MEGF11: variants seen among roughly 807,000 people sequenced by gnomAD.
MEGF11 encodes the protein multiple EGF like domains 11.
MEGF11 carries 126 observed loss-of-function variants against 146.6 expected under a neutral mutation model. The observed-to-expected ratio is 0.86, with a 90% CI of 0.74 to 1.00. The LOEUF (loss-of-function observed/expected upper bound fraction) is 1.00. MEGF11 is among the 50% of genes least tolerant of loss of function. The probability of loss-of-function intolerance (pLI) is 0.00; values close to 1 mark genes in which losing one functional copy is unlikely to be tolerated. For missense variants in MEGF11, 1,509 were observed against 1,521.2 expected (o/e 0.99, Z 0.13); for synonymous variants, 532 against 583.4 (o/e 0.91, Z 1.27).
At chr15:66,075,107 G>A (rs1199463960) in intron 5 of MEGF11, among the ~76,000 whole-genome samples, 2 of 152,204 alleles carry the variant, frequency 1.3e-5, no homozygotes, top group East Asian at 3.9e-4. Flanking sequence ...ACTTTGTTTA[G>A]GGTGTCAAAA....
At chr15:66,066,156 G>A (rs758113696) in intron 5 of MEGF11, among the ~76,000 whole-genome samples, 28 of 152,164 alleles carry the variant, frequency 1.8e-4, no homozygotes, top group Admixed American at 5.9e-4. Context: ...AGCCTGACAC[G>A]TGAAGCTTCT....
At chr15:66,218,978 G>GAAAAAAA (rs1288273977) in intron 1 of MEGF11, among the ~76,000 whole-genome samples, 2 of 22,596 alleles carry the variant, frequency 8.9e-5, no homozygotes, top group Non-Finnish European at 1.8e-4. Context: ...ATATCCACAG[G>GAAAAAAA]CAAAAAAAAA....
In MEGF11 at chr15:66,137,315, A is replaced by T. The variant is rs79349418; in HGVS notation, c.-8-8904T>A. ...CATCACTATAGTCAGAAAAGCAAAG[A>T]TATTTTAAGATTATTATGTGTAAAT... On this transcript the variant is annotated intron_variant, in intron 1 of 25. Coordinates refer to ENST00000395614, the MANE Select transcript of MEGF11 (RefSeq NM_001385028.1). 4.6e-3 allele frequency among the ~76,000 whole-genome samples: 696 copies of T among 152,330 alleles called. 1 individual carries two copies. Among genetic ancestry groups the T allele is most frequent in the Non-Finnish European group, 6.8e-3 (463 of 68,024 alleles).
At chr15:66,144,108 C>T (rs2089275091) in intron 1 of MEGF11, among the ~76,000 whole-genome samples, 1 of 152,220 alleles carries the variant, frequency 6.6e-6, no homozygotes, top group Non-Finnish European at 1.5e-5. Context: ...CTGCTCCCAG[C>T]ACACACGGAC....
At chr15:66,045,905 C>T (rs1426745093) in intron 5 of MEGF11, among the ~76,000 whole-genome samples, 1 of 152,060 alleles carries the variant, frequency 6.6e-6, no homozygotes, top group African/African-American at 2.4e-5. Flanking sequence ...GAGTTCAAGA[C>T]CAGCCTGGCC....
intron 1 of MEGF11, among the ~76,000 whole-genome samples, chr15:66,170,184 G>A (rs1036672001): frequency 4.6e-5 from 7 of 152,312 alleles, no homozygotes; most frequent in South Asian, 2.1e-4. Context: ...ACCTGGGTGC[G>A]TGTTAGGAGA....
chr15:66,119,892 T>C (rs4776735), intron 3 of MEGF11, among the ~76,000 whole-genome samples: 92,009 of 152,074 alleles, frequency 0.61, 30,312 homozygotes, highest in Non-Finnish European at 0.73. Flanking sequence ...CTTAGCCCCA[T>C]GCCAGAGGGA....
chr15:66,155,246 A>G (rs1291307943), intron 1 of MEGF11, among the ~76,000 whole-genome samples: 1 of 140,444 alleles, frequency 7.1e-6, no homozygotes, highest in Non-Finnish European at 1.5e-5. Context: ...GGAGACACAC[A>G]TGGTGATGCC....
intron 1 of MEGF11, among the ~76,000 whole-genome samples, chr15:66,208,864 T>C (rs11636269): frequency 0.73 from 110,349 of 151,492 alleles, 40,170 homozygotes; most frequent in East Asian, 0.74. Context: ...GCAACAAGAG[T>C]GAAACTCCAT....
At chr15:66,035,218 A>G (rs333590) in intron 5 of MEGF11, among the ~76,000 whole-genome samples, 148,005 of 152,240 alleles carry the variant, frequency 0.97, 72,086 homozygotes, top group Middle Eastern at 1. Flanking sequence ...GTAGTATTAC[A>G]GTAGTTGTTT....
chr15:65,948,689 C>G (rs547398771), intron 10 of MEGF11, among the ~76,000 whole-genome samples: 1 of 152,286 alleles, frequency 6.6e-6, no homozygotes, highest in South Asian at 2.1e-4. Flanking sequence ...TTATCTAATT[C>G]AATCCTCAGA....
chr15:65,958,762 C>T (rs2080751549), intron 9 of MEGF11, among the ~76,000 whole-genome samples: 2 of 152,218 alleles, frequency 1.3e-5, no homozygotes, highest in African/African-American at 4.8e-5. Context: ...CAGCTTCCTC[C>T]CCACTTTCCC....
At chr15:65,961,726 G>A (rs1306067593) in intron 9 of MEGF11, among the ~76,000 whole-genome samples, 1 of 152,232 alleles carries the variant, frequency 6.6e-6, no homozygotes, top group African/African-American at 2.4e-5. Flanking sequence ...GGAGCTGGGT[G>A]GCTAGGGCTT....
At chr15:65,954,071 T>C (rs1401540674) in intron 10 of MEGF11, among the ~76,000 whole-genome samples, 1 of 151,782 alleles carries the variant, frequency 6.6e-6, no homozygotes, top group South Asian at 2.1e-4. Flanking sequence ...ACTGATTTAC[T>C]CCTCCCATCG....
chr15:66,228,633 C>T (rs557016603), intron 1 of MEGF11, among the ~76,000 whole-genome samples: 2 of 152,348 alleles, frequency 1.3e-5, no homozygotes, highest in Admixed American at 6.5e-5. Context: ...CACGACAGAA[C>T]CATCTCCTAC....
At chr15:66,046,384 C>T (rs1490111914) in intron 5 of MEGF11, among the ~76,000 whole-genome samples, 3 of 152,234 alleles carry the variant, frequency 2.0e-5, no homozygotes, top group African/African-American at 7.2e-5. Flanking sequence ...ACACCCCAGA[C>T]TCCAGAAGTG....
At chr15:66,105,543 T>C (rs538441316) in intron 4 of MEGF11, among the ~76,000 whole-genome samples, 1 of 152,338 alleles carries the variant, frequency 6.6e-6, no homozygotes, top group African/African-American at 2.4e-5. Flanking sequence ...AATTACTATG[T>C]GCTGGCGGGG....
At chr15:66,046,355 TTAACC>T (rs1450703622) in intron 5 of MEGF11, among the ~76,000 whole-genome samples, 1 of 152,226 alleles carries the variant, frequency 6.6e-6, no homozygotes, top group African/African-American at 2.4e-5. Flanking sequence ...TTGAGAGTTC[TTAACC>T]TAATGGAGGA....
chr15:66,233,690 A>G (rs1328135289), intron 1 of MEGF11, among the ~76,000 whole-genome samples: 1 of 152,084 alleles, frequency 6.6e-6, no homozygotes, highest in Admixed American at 6.5e-5. Flanking sequence ...CTAGGTGCCC[A>G]CTTCTCTCCA....
Sources: gnomAD v4.1 joint callset for allele counts (sites outside exome capture counted in the v4.1 genomes callset) on GRCh38, gnomAD v4.1.1 for gene constraint, MANE v1.5 for transcripts, NCBI Gene and HGNC (gene_info 2026-07-23, HGNC 2026-07-21) for gene names.